The following ABCA1 variants were observed in gnomAD, a reference collection of about 807,000 sequenced individuals.
The protein encoded by ABCA1 is phospholipid-transporting ATPase ABCA1.
Under a neutral mutation model 262.5 loss-of-function variants are expected in ABCA1, and 133 were observed. The ratio of observed to expected loss-of-function variants is 0.51; its 90% CI spans 0.44 to 0.59. The LOEUF is 0.59. Among genes scored for constraint, ABCA1 ranks in the 20% least tolerant of loss-of-function variants. The pLI is 0.00. For synonymous variants in ABCA1, 1,022 were observed against 1,043.5 expected (o/e 0.98, Z 0.40); for missense variants, 2,452 against 2,777.5 (o/e 0.88, Z 2.63).
chr9:104,888,623 T>G (rs1564253500), intron 3 of ABCA1, among the ~76,000 whole-genome samples: 1 of 152,162 alleles, frequency 6.6e-6, no homozygotes, highest in Non-Finnish European at 1.5e-5. Context: ...TCAAAATACA[T>G]GATTGACAGA....
At chr9:104,914,761 A>C (rs1841737988) in intron 1 of ABCA1, among the ~76,000 whole-genome samples, 1 of 152,194 alleles carries the variant, frequency 6.6e-6, no homozygotes, top group African/African-American at 2.4e-5. Context: ...CTACAGTAAC[A>C]AACCAGTCAA....
intron 26 of ABCA1, 27 bp downstream of exon 26, chr9:104,814,400 T>C (rs1410466159): frequency 1.2e-6 from 2 of 1,611,002 alleles, no homozygotes; most frequent in African/African-American, 2.7e-5. Flanking sequence ...CTATCTTAAG[T>C]GTGCCATTCT....
At chr9:104,911,540 G>C (rs554918963) in intron 1 of ABCA1, among the ~76,000 whole-genome samples, 1 of 152,158 alleles carries the variant, frequency 6.6e-6, no homozygotes, top group African/African-American at 2.4e-5. Context: ...ATTTCTCCCA[G>C]GCTGACCCAT....
At chr9:104,880,608 G>A (rs1475189541) in intron 5 of ABCA1, among the ~76,000 whole-genome samples, 1 of 152,048 alleles carries the variant, frequency 6.6e-6, no homozygotes, top group Admixed American at 6.6e-5. Context: ...AAAAGGCAGT[G>A]TTTCTGTGCA....
At chr9:104,803,618 T>C (rs1271240208) in intron 32 of ABCA1, among the ~76,000 whole-genome samples, 1 of 152,162 alleles carries the variant, frequency 6.6e-6, no homozygotes, top group Non-Finnish European at 1.5e-5. Flanking sequence ...TCTTTTTTTT[T>C]TCTTTTGGGA....
intron 33 of ABCA1, 65 bp downstream of exon 33, chr9:104,803,219 A>G: frequency 6.4e-7 from 1 of 1,567,468 alleles, no homozygotes; most frequent in East Asian, 2.2e-5. Context: ...GGCTTTCTTC[A>G]ATCCAAGACA....
At chr9:104,911,848 A>G (rs1841516929) in intron 1 of ABCA1, among the ~76,000 whole-genome samples, 1 of 152,202 alleles carries the variant, frequency 6.6e-6, no homozygotes, top group Non-Finnish European at 1.5e-5. Flanking sequence ...CCTCCAAGGT[A>G]AAAGTCAAGG....
intron 8 of ABCA1, among the ~76,000 whole-genome samples, 200 bp downstream of exon 8, chr9:104,845,277 T>G (rs1046474403): frequency 6.6e-6 from 1 of 152,260 alleles, no homozygotes; most frequent in Admixed American, 6.5e-5. Context: ...CAATTAGCTC[T>G]GAGACATCTA....
chr9:104,913,330 T>G (rs1841613555), intron 1 of ABCA1, among the ~76,000 whole-genome samples: 1 of 152,214 alleles, frequency 6.6e-6, no homozygotes, highest in Non-Finnish European at 1.5e-5. Context: ...GAATCCTGAC[T>G]CTGCTACTCA....
chr9:104,812,477 C>A (rs997536422), intron 28 of ABCA1, 97 bp downstream of exon 28: 1 of 1,511,200 alleles, frequency 6.6e-7, no homozygotes, highest in Non-Finnish European at 9.1e-7. Context: ...GCTCCGGCAT[C>A]CATATCTTGA....
intron 11 of ABCA1, 48 bp from the exon 12 acceptor site, chr9:104,832,819 T>C (rs764339082): frequency 1.3e-6 from 2 of 1,570,622 alleles, no homozygotes; most frequent in Admixed American, 3.3e-5. Context: ...AACTAAATCT[T>C]GAGGAGCACT....
chr9:104,801,140 T>C (rs1031159262), intron 34 of ABCA1, among the ~76,000 whole-genome samples: 3 of 151,780 alleles, frequency 2.0e-5, no homozygotes, highest in Non-Finnish European at 2.9e-5. Context: ...ATTCATTTCC[T>C]ATTTAGTCAG....
chr9:104,844,028 A>G (rs1224984628), intron 8 of ABCA1, among the ~76,000 whole-genome samples: 1 of 84,340 alleles, frequency 1.2e-5, no homozygotes, highest in East Asian at 2.5e-4. Flanking sequence ...TTAATGCCAG[A>G]AAAAAAAAAA....
chr9:104,788,290 A>C, intron 45 of ABCA1, 136 bp downstream of exon 45: 1 of 1,311,930 alleles, frequency 7.6e-7, no homozygotes, highest in Non-Finnish European at 1.1e-6. Context: ...CTGAAAGCAG[A>C]TACAAAGAAC....
rs57782550 is a variant in ABCA1 at position 104,855,447 on chromosome 9, C to T, written c.720+3075G>A. The T allele has an allele frequency of 5.6e-3, 1,806 of 324,044 alleles. 31 individuals are homozygous for T. Among genetic ancestry groups the T allele is most frequent in the African/African-American group, 0.036 (1,646 of 46,294 alleles). 20.1% of individuals were successfully genotyped at this position (324,044 alleles called of 1,614,324 possible). ...AACTCCTGGCCTCAAGTGATTCATC[C>T]GCCTCGGCCCCCACAATATGCTGGG... On this transcript the variant is annotated intron_variant, in intron 7 of 49. Coordinates refer to ENST00000374736, the MANE Select transcript of ABCA1 (RefSeq NM_005502.4).
intron 15 of ABCA1, among the ~76,000 whole-genome samples, chr9:104,828,230 C>T (rs532127157): frequency 4.3e-4 from 66 of 152,240 alleles, no homozygotes; most frequent in African/African-American, 1.5e-3. Context: ...CCCTGGGGCA[C>T]GACCTTCCCA....
At chr9:104,858,015 C>CT (rs1835996243) in intron 7 of ABCA1, among the ~76,000 whole-genome samples, 1 of 152,128 alleles carries the variant, frequency 6.6e-6, no homozygotes, top group African/African-American at 2.4e-5. Context: ...GCTGAAAAAA[C>CT]TTCGTCGGAA....
At position 104,828,831 on chromosome 9, in the gene ABCA1, AT is replaced by A. The variant is rs559207960; in HGVS notation, c.2115+84del. ...GACCCCTTCTCTACCAGAGGCTTGGATTTTTTTTCTTCTTCTCCTCCCTTAG... is the reference window on the plus strand; with the variant it reads ...GACCCCTTCTCTACCAGAGGCTTGGATTTTTTTCTTCTTCTCCTCCCTTAG... On this transcript the variant is annotated intron_variant, in intron 15 of 49. Coordinates refer to ENST00000374736, the MANE Select transcript of ABCA1 (RefSeq NM_005502.4). The A allele has an allele frequency of 1.4e-3, 1,987 of 1,385,312 alleles. 23 individuals carry two copies. The African/African-American group carries it at 0.025, about 18-fold the overall frequency. The allele number at this position is 1,385,312 out of a possible 1,614,324, so 85.8% of individuals were successfully genotyped here.
At chr9:104,862,649 C>CCCCA (rs1554729347) in intron 5 of ABCA1, among the ~76,000 whole-genome samples, 1 of 11,692 alleles carries the variant, frequency 8.6e-5, no homozygotes, top group African/African-American at 2.7e-4. Flanking sequence ...CGGGCCGGGC[C>CCCCA]GGGCCGGGCC....
Sources: gnomAD v4.1 joint callset for allele counts (sites outside exome capture counted in the v4.1 genomes callset) on GRCh38, gnomAD v4.1.1 for gene constraint, MANE v1.5 for transcripts, NCBI Gene and HGNC (gene_info 2026-07-23, HGNC 2026-07-21) for gene names.